The following SETBP1 variants were observed in gnomAD, a reference collection of about 807,000 sequenced individuals.
SETBP1 encodes SET binding protein 1.
In SETBP1, 9 loss-of-function variants were observed where a neutral mutation model predicts 101.0. The observed-to-expected ratio is 0.09, with a 90% CI of 0.05 to 0.16. The LOEUF (loss-of-function observed/expected upper bound fraction) is 0.16, where lower values mean the gene tolerates loss of function less well. Ranked by LOEUF, SETBP1 falls within the 10% of genes least tolerant of loss-of-function variation. SETBP1 has a pLI of 1.00. For missense variants in SETBP1, 1,858 were observed against 2,033.8 expected, an observed-to-expected ratio of 0.91 and a Z score of 1.66; for synonymous variants, 818 against 788.5, an observed-to-expected ratio of 1.04 and a Z score of -0.63.
rs757414885 is a variant in SETBP1 at position 44,952,461 on chromosome 18, C to T, written c.3121C>T (p.Pro1041Ser). Residue 1041 changes from proline (P) to serine (S), a missense_variant, in exon 4 of 6, where the codon CCT becomes TCT. Coordinates refer to ENST00000649279, the MANE Select transcript of SETBP1 (RefSeq NM_015559.3). ...GCCTTTTTTACAAGGGTTCAGCTAC[C>T]CTATTCCCAGTGGAAGTTACTATGC... Reference protein sequence around the residue: ...KVPFLQGFSYPIPSGSYYAPY... With the variant: ...KVPFLQGFSYSIPSGSYYAPY... 2 of 1,613,954 alleles carry T rather than the reference C, an allele frequency of 1.2e-6. No homozygotes were observed. Among genetic ancestry groups the T allele is most frequent in the African/African-American group, 1.3e-5 (1 of 74,894 alleles).
chr18:44,771,115 C>A lies in SETBP1; in HGVS notation c.486+69283C>A, dbSNP rs140552405. Among the ~76,000 whole-genome samples, 31 of 151,866 alleles carry A rather than the reference C, an allele frequency of 2.0e-4. No individual in the cohort carries two copies. In the East Asian group the frequency reaches 5.6e-3, roughly 28 times the overall value. On this transcript the variant is annotated intron_variant, in intron 2 of 5. Coordinates refer to ENST00000649279, the MANE Select transcript of SETBP1 (RefSeq NM_015559.3). Reference sequence around the variant, plus strand: ...GGGGTTGCTGGCTGCATCAGAATTACCTGGGAATTTTTCATAAATACAGAT... The same window carrying A: ...GGGGTTGCTGGCTGCATCAGAATTAACTGGGAATTTTTCATAAATACAGAT...
chr18:44,715,329 G>A (rs969063065), intron 2 of SETBP1, among the ~76,000 whole-genome samples: 1 of 152,036 alleles, frequency 6.6e-6, no homozygotes, highest in Non-Finnish European at 1.5e-5. Flanking sequence ...GGCGTGGTAC[G>A]AAGTGATGGG....
chr18:44,702,990 G>A (rs1204588305), intron 2 of SETBP1, among the ~76,000 whole-genome samples: 1 of 152,222 alleles, frequency 6.6e-6, no homozygotes, highest in African/African-American at 2.4e-5. Context: ...GGTTGGGAAT[G>A]AATGAGTTCA....
intron 2 of SETBP1, among the ~76,000 whole-genome samples, chr18:44,710,180 C>G (rs1009173230): frequency 8.5e-5 from 13 of 152,142 alleles, no homozygotes; most frequent in African/African-American, 2.9e-4. Flanking sequence ...CCTACCACAT[C>G]TTTGACTTTT....
intron 1 of SETBP1, among the ~76,000 whole-genome samples, chr18:44,681,560 GC>G (rs949557056): frequency 3.2e-5 from 1 of 31,704 alleles, no homozygotes. Flanking sequence ...TATTCCCCCC[GC>G]CCCCCCATCC....
chr18:44,884,960 G>T (rs1238707537), intron 3 of SETBP1, among the ~76,000 whole-genome samples: 3 of 151,988 alleles, frequency 2.0e-5, no homozygotes, highest in Non-Finnish European at 2.9e-5. Flanking sequence ...TAAAATTAAA[G>T]AATTTAAAAT....
At chr18:45,001,710 G>A (rs2072621858) in intron 4 of SETBP1, among the ~76,000 whole-genome samples, 1 of 152,170 alleles carries the variant, frequency 6.6e-6, no homozygotes, top group Admixed American at 6.5e-5. Context: ...CTGCAATGAA[G>A]ATATTACCCT....
chr18:44,783,610 A>G (rs191892742), intron 2 of SETBP1, among the ~76,000 whole-genome samples: 2 of 152,364 alleles, frequency 1.3e-5, no homozygotes, highest in Admixed American at 1.3e-4. Context: ...ACAAAAACAA[A>G]TGACAAGGGT....
rs1470770182 is a variant in SETBP1 at position 44,783,716 on chromosome 18, G to A, written c.486+81884G>A. On this transcript the variant is annotated intron_variant, in intron 2 of 5. Coordinates refer to ENST00000649279, the MANE Select transcript of SETBP1 (RefSeq NM_015559.3). ...CAATCCTATAATATAGGGATGGAAG[G>A]TGTTTTTATTATCCTTAAATTTTAA... Among the ~76,000 whole-genome samples the A allele has an allele frequency of 2.6e-5, 4 of 152,186 alleles. No homozygotes were observed. The East Asian group carries it at 7.7e-4, about 29-fold the overall frequency.
At position 44,709,773 on chromosome 18, in the gene SETBP1, G is replaced by A. The variant is rs142079627; in HGVS notation, c.486+7941G>A. Reference sequence around the variant, plus strand: ...GCAGCACCAGTGCCTGATGTCTGATGCCTGGAGAAACTTCTATTAGTTGAG... The same window carrying A: ...GCAGCACCAGTGCCTGATGTCTGATACCTGGAGAAACTTCTATTAGTTGAG... On this transcript the variant is annotated intron_variant, in intron 2 of 5. Coordinates refer to ENST00000649279, the MANE Select transcript of SETBP1 (RefSeq NM_015559.3). 1.1e-4 allele frequency among the ~76,000 whole-genome samples: 16 copies of A among 150,692 alleles called. No individual in the cohort carries two copies. In the East Asian group the frequency reaches 3.1e-3, roughly 29 times the overall value.
chr18:45,054,481 C>T (rs1733801324), intron 5 of SETBP1, among the ~76,000 whole-genome samples: 1 of 152,170 alleles, frequency 6.6e-6, no homozygotes, highest in African/African-American at 2.4e-5. Context: ...CCACCGTGCC[C>T]AGCTGACTAT....
chr18:44,756,911 C>A (rs561851977), intron 2 of SETBP1, among the ~76,000 whole-genome samples: 1 of 152,256 alleles, frequency 6.6e-6, no homozygotes, highest in Non-Finnish European at 1.5e-5. Context: ...CACCAGGGAA[C>A]AGTTTTGTGG....
chr18:44,950,312 G>T lies in SETBP1; in HGVS notation c.972G>T (p.Glu324Asp). Residue 324 changes from glutamate (E) to aspartate (D), a missense_variant, in exon 4 of 6, where the codon GAG becomes GAT. By Grantham distance (45) the Glu-to-Asp change is conservative. Coordinates refer to ENST00000649279, the MANE Select transcript of SETBP1 (RefSeq NM_015559.3). ...LVDQDGGGTK[E>D]PPEPPTVGSK... ...ATCAAGATGGAGGAGGTACAAAGGA[G>T]CCCCCAGAACCACCTACGGTGGGCA... The T allele has an allele frequency of 6.2e-7, 1 of 1,614,062 alleles. No homozygotes were observed. Among genetic ancestry groups the T allele is most frequent in the African/African-American group, 1.3e-5 (1 of 75,068 alleles).
intron 4 of SETBP1, among the ~76,000 whole-genome samples, chr18:44,975,822 G>T (rs907309838): frequency 6.6e-6 from 1 of 152,110 alleles, no homozygotes; most frequent in African/African-American, 2.4e-5. Flanking sequence ...GCAGAAGATG[G>T]TTTGGGAAAT....
intron 2 of SETBP1, among the ~76,000 whole-genome samples, chr18:44,757,721 G>C (rs1352765855): frequency 1.4e-5 from 2 of 147,642 alleles, no homozygotes; most frequent in African/African-American, 5.0e-5. Flanking sequence ...GAGATTAAAC[G>C]ACTTGTCTCA....
At chr18:44,873,328 G>A (rs549661267) in intron 3 of SETBP1, among the ~76,000 whole-genome samples, 12 of 152,308 alleles carry the variant, frequency 7.9e-5, no homozygotes, top group African/African-American at 2.9e-4. Context: ...ATTAAGCAAA[G>A]GAGTTGTGCA....
At chr18:44,827,818 C>A (rs951470234) in intron 2 of SETBP1, among the ~76,000 whole-genome samples, 6 of 152,206 alleles carry the variant, frequency 3.9e-5, no homozygotes, top group African/African-American at 1.4e-4. Context: ...TTTGTTGACC[C>A]TGTTAAGCCT....
chr18:44,688,120 A>G (rs764496092), intron 1 of SETBP1, among the ~76,000 whole-genome samples: 10 of 152,236 alleles, frequency 6.6e-5, no homozygotes, highest in Non-Finnish European at 1.0e-4. Flanking sequence ...TCTTTAAGCC[A>G]CTGAAATGCT....
chr18:45,020,370 T>C (rs1282462636), intron 4 of SETBP1, among the ~76,000 whole-genome samples: 4 of 145,754 alleles, frequency 2.7e-5, no homozygotes, highest in African/African-American at 1.0e-4. Flanking sequence ...CACACTTACA[T>C]CATAGAAACA....
Sources: gnomAD v4.1 joint callset for allele counts (sites outside exome capture counted in the v4.1 genomes callset) on GRCh38, gnomAD v4.1.1 for gene constraint, MANE v1.5 for transcripts, NCBI Gene and HGNC (gene_info 2026-07-23, HGNC 2026-07-21) for gene names.